Variants in VDAC1 observed in about 807,000 individuals in gnomAD.
VDAC1 encodes the protein non-selective voltage-gated ion channel VDAC1.
Under a neutral mutation model 34.7 loss-of-function variants are expected in VDAC1, and 10 were observed. That is an observed-to-expected ratio of 0.29 (90% confidence interval 0.18 to 0.49). The LOEUF is 0.49. Ranked by LOEUF, VDAC1 falls within the 20% of genes least tolerant of loss-of-function variation. VDAC1 has a pLI of 0.99. For missense variants in VDAC1, 230 were observed against 347.9 expected (o/e 0.66, Z 2.69); for synonymous variants, 130 against 136.0 (o/e 0.96, Z 0.30).
the VDAC1 span, among the ~76,000 whole-genome samples, chr5:134,031,339 C>G: frequency 6.6e-6 from 1 of 152,004 alleles, no homozygotes; most frequent in Non-Finnish European, 1.5e-5. Flanking sequence ...AAATACTGAC[C>G]CCCAAAGATA....
At chr5:134,109,718 C>T in the VDAC1 span, among the ~76,000 whole-genome samples, 10 of 150,316 alleles carry the variant, frequency 6.7e-5, no homozygotes, top group South Asian at 2.1e-4. Context: ...TGCAGTGAGC[C>T]GAGATCGTGC....
At chr5:133,992,860 A>T in intron 2 of VDAC1, 86 bp downstream of exon 2, 1 of 1,310,620 alleles carries the variant, frequency 7.6e-7, no homozygotes, top group Non-Finnish European at 1.1e-6. Flanking sequence ...TGACCTACCC[A>T]GGTCTCCTAA....
At chr5:134,006,779 T>C (rs1157611123), upstream of VDAC1, among the ~76,000 whole-genome samples, 3 of 133,034 alleles carry the variant, frequency 2.3e-5, no homozygotes, top group Non-Finnish European at 4.7e-5. Context: ...AACAACAACT[T>C]GGAAAGAGTT....
the VDAC1 span, among the ~76,000 whole-genome samples, chr5:134,111,959 AT>A: frequency 6.6e-6 from 1 of 152,188 alleles, no homozygotes; most frequent in Non-Finnish European, 1.5e-5. Flanking sequence ...TGGTGTGATG[AT>A]TAAATGAGAT....
chr5:134,059,554 G>T, the VDAC1 span, among the ~76,000 whole-genome samples: 1 of 152,024 alleles, frequency 6.6e-6, no homozygotes, highest in African/African-American at 2.4e-5. Context: ...AGCCCGTCGC[G>T]CTGTTTCATG....
the VDAC1 span, among the ~76,000 whole-genome samples, chr5:134,067,428 TAA>T: frequency 6.1e-4 from 59 of 96,800 alleles, no homozygotes; most frequent in East Asian, 1.3e-3. Flanking sequence ...TTACATATTC[TAA>T]AAAAAAAAAA....
At chr5:134,053,115 C>CAA in the VDAC1 span, among the ~76,000 whole-genome samples, 1 of 150,182 alleles carries the variant, frequency 6.7e-6, no homozygotes, top group South Asian at 2.1e-4. Flanking sequence ...AACTCCGTCT[C>CAA]AAAAAAAAAG....
At chr5:134,044,117 C>A in the VDAC1 span, among the ~76,000 whole-genome samples, 1 of 152,204 alleles carries the variant, frequency 6.6e-6, no homozygotes, top group African/African-American at 2.4e-5. Flanking sequence ...TGCCTCCCAT[C>A]CCCATCCCTT....
chr5:134,068,334 GT>G, the VDAC1 span, among the ~76,000 whole-genome samples: 346 of 144,072 alleles, frequency 2.4e-3, no homozygotes, highest in African/African-American at 7.5e-3. Flanking sequence ...ACTCCTATCA[GT>G]TTTTTTTTTC....
At chr5:134,077,003 G>A in the VDAC1 span, among the ~76,000 whole-genome samples, 1 of 152,204 alleles carries the variant, frequency 6.6e-6, no homozygotes, top group African/African-American at 2.4e-5. Context: ...AGAAGTCCAA[G>A]CACGGTAGCT....
At chr5:133,997,546 A>T (rs984345085) in intron 1 of VDAC1, among the ~76,000 whole-genome samples, 94 of 149,592 alleles carry the variant, frequency 6.3e-4, no homozygotes, top group African/African-American at 2.0e-3. Flanking sequence ...AAAAATAAAA[A>T]AAAAATAAAA....
upstream of VDAC1, chr5:134,005,250 G>A (rs1411060482): frequency 6.6e-6 from 1 of 152,198 alleles, no homozygotes; most frequent in Non-Finnish European, 1.5e-5. Flanking sequence ...AGTGGCCCCC[G>A]GCCCCCCATC....
At chr5:134,105,942 A>T in the VDAC1 span, among the ~76,000 whole-genome samples, 1 of 152,254 alleles carries the variant, frequency 6.6e-6, no homozygotes, top group Non-Finnish European at 1.5e-5. Flanking sequence ...AGTCAGAGGA[A>T]TCTCTCCGGC....
Position 133,975,923 on chromosome 5 carries a change from G to A in VDAC1, c.650C>T (p.Thr217Met), listed in dbSNP as rs933199484. ...ATACTTGGCTGCTATTCCGAAGCGC[G>A]TGTTACTGTTTCCTGCTGTCCAGGC... ...NLAWTAGNSN[T>M]RFGIAAKYQI... Residue 217 changes from threonine (T) to methionine (M), a missense_variant, in exon 7 of 9, where the codon ACG becomes ATG. By Grantham distance (81) the Thr-to-Met change is moderately conservative (BLOSUM62 -1). Transcript: ENST00000265333. The A allele has an allele frequency of 3.0e-5, 48 of 1,612,894 alleles. No homozygotes were observed. Among genetic ancestry groups the A allele is most frequent in the Non-Finnish European group, 3.6e-5 (43 of 1,179,924 alleles).
chr5:134,098,279 C>T, the VDAC1 span, among the ~76,000 whole-genome samples: 1 of 151,950 alleles, frequency 6.6e-6, no homozygotes. Flanking sequence ...ATTGCAACCT[C>T]CATTACCTCT....
At chr5:133,973,669 T>C in intron 8 of VDAC1, 122 bp downstream of exon 8, 2 of 779,588 alleles carry the variant, frequency 2.6e-6, no homozygotes, top group South Asian at 1.9e-5. Context: ...ACTTTACATA[T>C]ATCCATTTAT....
the VDAC1 span, among the ~76,000 whole-genome samples, chr5:134,041,471 G>A: frequency 0.099 from 15,076 of 152,192 alleles, 995 homozygotes; most frequent in East Asian, 0.28. Context: ...GATGGCCAAC[G>A]TCCTAGCAGA....
At chr5:134,113,474 C>T in the VDAC1 span, among the ~76,000 whole-genome samples, 3 of 152,246 alleles carry the variant, frequency 2.0e-5, no homozygotes, top group Non-Finnish European at 4.4e-5. Context: ...GGCTTTGCAC[C>T]GCTGCCAGGG....
At chr5:134,037,429 T>C in the VDAC1 span, among the ~76,000 whole-genome samples, 1 of 152,236 alleles carries the variant, frequency 6.6e-6, no homozygotes, top group Non-Finnish European at 1.5e-5. Flanking sequence ...GTGACCTGAC[T>C]GGCATAGCAC....
Sources: allele counts gnomAD v4.1 joint callset (sites outside exome capture counted in the v4.1 genomes callset), GRCh38; gene constraint gnomAD v4.1.1; transcripts MANE v1.5; gene names NCBI Gene and HGNC (gene_info 2026-07-23, HGNC 2026-07-21).